Variants in RBFOX3 observed in about 807,000 individuals in gnomAD.
The protein encoded by RBFOX3 is RNA binding fox-1 homolog 3, also known as RNA binding protein fox-1 homolog 3.
In RBFOX3, 17 loss-of-function variants were observed where a neutral mutation model predicts 48.7. That is an observed-to-expected ratio of 0.35 (90% CI 0.24 to 0.52). The LOEUF (loss-of-function observed/expected upper bound fraction) is 0.52, where lower values mean the gene tolerates loss of function less well. Among genes scored for constraint, RBFOX3 ranks in the 20% least tolerant of loss-of-function variants. The probability of loss-of-function intolerance (pLI) is 0.94; values close to 1 mark genes in which losing one functional copy is unlikely to be tolerated. For missense variants in RBFOX3, 382 were observed against 497.5 expected, an observed-to-expected ratio of 0.77 and a Z score of 2.21; for synonymous variants, 212 against 209.5, an observed-to-expected ratio of 1.01 and a Z score of -0.10.
chr17:79,348,414 A>G (rs1218088806), intron 2 of RBFOX3, among the ~76,000 whole-genome samples: 1 of 152,050 alleles, frequency 6.6e-6, no homozygotes, highest in African/African-American at 2.4e-5. Flanking sequence ...CTCCAGGCCA[A>G]AGCCATAGCC....
intron 2 of RBFOX3, among the ~76,000 whole-genome samples, chr17:79,330,025 T>G (rs1187939698): frequency 6.6e-6 from 1 of 152,168 alleles, no homozygotes; most frequent in Non-Finnish European, 1.5e-5. Flanking sequence ...CCTGCATCTC[T>G]CAGCTCTCCA....
chr17:79,459,067 C>A (rs1020072652), intron 2 of RBFOX3, among the ~76,000 whole-genome samples: 1 of 152,178 alleles, frequency 6.6e-6, no homozygotes, highest in African/African-American at 2.4e-5. Context: ...AGCACCCAGA[C>A]CTGACCAGCT....
chr17:79,536,671 T>C (rs2088816199), intron 1 of RBFOX3, among the ~76,000 whole-genome samples: 1 of 147,980 alleles, frequency 6.8e-6, no homozygotes, highest in South Asian at 2.1e-4. Context: ...CGTAGCACTT[T>C]GCAGAGTCCC....
At chr17:79,420,128 T>C (rs9892645) in intron 2 of RBFOX3, among the ~76,000 whole-genome samples, 9,433 of 114,328 alleles carry the variant, frequency 0.083, 476 homozygotes, top group East Asian at 0.18. Flanking sequence ...CTCCGTCTCA[T>C]ACACACACAC....
intron 3 of RBFOX3, among the ~76,000 whole-genome samples, chr17:79,251,596 A>G (rs2063968545): frequency 6.6e-6 from 1 of 152,110 alleles, no homozygotes; most frequent in Non-Finnish European, 1.5e-5. Flanking sequence ...CTACCCACAA[A>G]TCCACATGGC....
intron 2 of RBFOX3, among the ~76,000 whole-genome samples, chr17:79,320,974 G>A (rs913621388): frequency 6.6e-6 from 1 of 152,130 alleles, no homozygotes; most frequent in Admixed American, 6.5e-5. Flanking sequence ...AGCAACACTG[G>A]ATCCTAAATG....
intron 2 of RBFOX3, among the ~76,000 whole-genome samples, chr17:79,406,171 A>G (rs2063507987): frequency 6.6e-6 from 1 of 152,210 alleles, no homozygotes; most frequent in African/African-American, 2.4e-5. Context: ...TTGTTCAGCT[A>G]CAGCTTATTT....
chr17:79,216,219 C>T (rs1056022034), intron 4 of RBFOX3, among the ~76,000 whole-genome samples: 2 of 152,238 alleles, frequency 1.3e-5, no homozygotes, highest in Admixed American at 1.3e-4. Context: ...TGTTTGCCTC[C>T]CAGGCGTAGG....
rs1197512425 is a variant in RBFOX3, at chr17:79,111,972, G to A, written c.222+3522C>T. 2.0e-5 allele frequency among the ~76,000 whole-genome samples: 3 copies of A among 152,214 alleles called. No homozygotes were observed. The highest frequency in any genetic ancestry group is 1.9e-4 in the East Asian group (1 of 5,188). On this transcript the variant is annotated intron_variant, in intron 5 of 14. Coordinates refer to ENST00000693108, the MANE Select transcript of RBFOX3 (RefSeq NM_001350451.2). This position sits in a 1 kb window ranked among gnomAD's most constrained non-coding sequence, Gnocchi z 4.2. Reference sequence around the variant, plus strand: ...GAAGGCAGGTGATGTCGTGGTGAGCGGTGAGAGAAACGGAGCCTATGTGCA... The same window carrying A: ...GAAGGCAGGTGATGTCGTGGTGAGCAGTGAGAGAAACGGAGCCTATGTGCA...
Position 79,385,195 on chromosome 17 carries a change from G to A in RBFOX3, c.-174-77371C>T, listed in dbSNP as rs529113206. Among the ~76,000 whole-genome samples, 5 of 152,310 alleles carry A rather than the reference G, an allele frequency of 3.3e-5. No individual in the cohort carries two copies. In the East Asian group the frequency reaches 9.7e-4, roughly 29 times the overall value. On this transcript the variant is annotated intron_variant, in intron 2 of 14. Coordinates refer to ENST00000693108, the MANE Select transcript of RBFOX3 (RefSeq NM_001350451.2). ...GGGAAGGGCAGAGACGGGAAGGGGAGGACAGAGCCTGGGAAGAGAGCTCTC... is the reference window on the plus strand; with the variant it reads ...GGGAAGGGCAGAGACGGGAAGGGGAAGACAGAGCCTGGGAAGAGAGCTCTC...
chr17:79,470,368 G>A (rs1336050140), intron 2 of RBFOX3, among the ~76,000 whole-genome samples: 1 of 152,326 alleles, frequency 6.6e-6, no homozygotes, highest in Non-Finnish European at 1.5e-5. Context: ...ACAGGCTGGC[G>A]GGTGGGCTAG....
chr17:79,207,638 T>C (rs187742293), intron 4 of RBFOX3, among the ~76,000 whole-genome samples: 170 of 152,342 alleles, frequency 1.1e-3, no homozygotes, highest in African/African-American at 3.9e-3. Context: ...CAGGAAACTT[T>C]GGAACACGCC....
At chr17:79,096,898 GGCCCATAGCCCACCCGACCCCA>G in intron 11 of RBFOX3, 65 bp from the exon 12 acceptor site, 1 of 618,946 alleles carries the variant, frequency 1.6e-6, no homozygotes, top group Non-Finnish European at 2.9e-6. Flanking sequence ...CAAACCCCGG[GGCCCATAGCCCACCCGACCCCA>G]GGCAGCTGTG....
intron 4 of RBFOX3, among the ~76,000 whole-genome samples, chr17:79,152,839 G>A (rs1462066154): frequency 6.6e-6 from 1 of 152,216 alleles, no homozygotes; most frequent in Non-Finnish European, 1.5e-5. Flanking sequence ...CCCACACCAG[G>A]AACACGGCGC....
rs2073722729 is a variant in RBFOX3, at chr17:79,090,770, T to G, written c.*113A>C. Reference sequence around the variant, plus strand: ...GTTGGATGCCTCTTGGTTTGGTTGGTTTTTTTTTTGTTGCTTGGATCTTAA... The same window carrying G: ...GTTGGATGCCTCTTGGTTTGGTTGGGTTTTTTTTTGTTGCTTGGATCTTAA... On this transcript the variant is annotated 3_prime_UTR_variant, in exon 15 of 15. Coordinates refer to ENST00000693108, the MANE Select transcript of RBFOX3 (RefSeq NM_001350451.2). 6.6e-6 allele frequency: 7 copies of G among 1,064,410 alleles called. No individual in the cohort carries two copies. Among genetic ancestry groups the G allele is most frequent in the East Asian group, 6.0e-5 (2 of 33,258 alleles). The allele number at this position is 1,064,410 out of a possible 1,614,324, so 65.9% of individuals were successfully genotyped here.
At chr17:79,570,471 G>A (rs2092634577) in intron 1 of RBFOX3, among the ~76,000 whole-genome samples, 1 of 152,178 alleles carries the variant, frequency 6.6e-6, no homozygotes, top group Non-Finnish European at 1.5e-5. Flanking sequence ...TGGGTGGACA[G>A]ATGGATGGAC....
chr17:79,354,444 C>G (rs1203832168), intron 2 of RBFOX3, among the ~76,000 whole-genome samples: 1 of 152,232 alleles, frequency 6.6e-6, no homozygotes, highest in Non-Finnish European at 1.5e-5. Context: ...CTGCCTGGAG[C>G]AGGAGAGTGA....
rs928719699 is a variant in RBFOX3, at chr17:79,254,963, G to A, written c.-73-19158C>T. 6.6e-6 allele frequency among the ~76,000 whole-genome samples: 1 copy of A among 152,184 alleles called. No individual in the cohort carries two copies. The highest frequency in any genetic ancestry group is 2.4e-5 in the African/African-American group (1 of 41,434). ...GGCCTGGGGCAGGACTATGTGCCCT[G>A]AGCCCTCTATCCTGGGCAGGAACTG... On this transcript the variant is annotated intron_variant, in intron 3 of 14. Coordinates refer to ENST00000693108, the MANE Select transcript of RBFOX3 (RefSeq NM_001350451.2). This position sits in a 1 kb window ranked among gnomAD's most constrained non-coding sequence, Gnocchi z 4.8.
At chr17:79,181,570 G>A (rs957029404) in intron 4 of RBFOX3, among the ~76,000 whole-genome samples, 1 of 152,216 alleles carries the variant, frequency 6.6e-6, no homozygotes, top group African/African-American at 2.4e-5. Flanking sequence ...AGATGTCACA[G>A]GTGGTCCTGG....
Sources: allele counts gnomAD v4.1 joint callset (sites outside exome capture counted in the v4.1 genomes callset), GRCh38; gene constraint gnomAD v4.1.1; non-coding constraint Gnocchi (gnomAD v3.1); transcripts MANE v1.5; gene names NCBI Gene and HGNC (gene_info 2026-07-23, HGNC 2026-07-21).